Variants in ZNF804B observed in about 807,000 individuals in gnomAD.
ZNF804B encodes the protein zinc finger protein 804B.
ZNF804B carries 80 observed loss-of-function variants against 101.4 expected under a neutral mutation model. That is an observed-to-expected ratio of 0.79 (90% CI 0.66 to 0.95). The LOEUF is 0.95. Among genes scored for constraint, ZNF804B ranks in the 40% least tolerant of loss-of-function variants. ZNF804B has a pLI of 0.00. For synonymous variants in ZNF804B, 622 were observed against 558.8 expected (o/e 1.11, Z -1.59); for missense variants, 1,673 against 1,561.9 (o/e 1.07, Z -1.20).
intron 1 of ZNF804B, among the ~76,000 whole-genome samples, chr7:88,860,871 A>G (rs1409654071): frequency 2.0e-5 from 3 of 152,220 alleles, no homozygotes; most frequent in Admixed American, 6.5e-5. Context: ...AAATAGCACC[A>G]GAATATTGAT....
chr7:89,247,363 G>C (rs138992557), intron 2 of ZNF804B, among the ~76,000 whole-genome samples: 68 of 152,298 alleles, frequency 4.5e-4, no homozygotes, highest in Admixed American at 7.2e-4. Context: ...CATTAAACAA[G>C]GATCAGGTGT....
chr7:88,816,480 T>C (rs558744174), intron 1 of ZNF804B, among the ~76,000 whole-genome samples: 1 of 152,114 alleles, frequency 6.6e-6, no homozygotes, highest in African/African-American at 2.4e-5. Context: ...TGCAATCTAC[T>C]CATCTGACAA....
intron 1 of ZNF804B, among the ~76,000 whole-genome samples, chr7:89,120,693 A>G (rs988904687): frequency 6.6e-6 from 1 of 151,668 alleles, no homozygotes; most frequent in Non-Finnish European, 1.5e-5. Flanking sequence ...CCAAAAATCT[A>G]CTTTTAGTCG....
At chr7:89,009,166 G>T (rs1224473956) in intron 1 of ZNF804B, among the ~76,000 whole-genome samples, 1 of 151,996 alleles carries the variant, frequency 6.6e-6, no homozygotes, top group Non-Finnish European at 1.5e-5. Flanking sequence ...TTGACATTTT[G>T]ATTTTCACTT....
intron 2 of ZNF804B, among the ~76,000 whole-genome samples, chr7:89,247,819 T>C (rs562510992): frequency 1.3e-5 from 2 of 151,710 alleles, no homozygotes; most frequent in East Asian, 1.9e-4. Context: ...CTCAACAAGA[T>C]CCAAGACAAG....
chr7:88,953,730 A>G (rs994205378), intron 1 of ZNF804B, among the ~76,000 whole-genome samples: 1 of 151,740 alleles, frequency 6.6e-6, no homozygotes, highest in Non-Finnish European at 1.5e-5. Context: ...CTCACTCAAG[A>G]CAAAGAGGAC....
intron 2 of ZNF804B, among the ~76,000 whole-genome samples, chr7:89,279,345 C>G (rs1260847636): frequency 6.6e-6 from 1 of 151,176 alleles, no homozygotes; most frequent in African/African-American, 2.4e-5. Context: ...CCCTTTATTT[C>G]CTTCTCCTGC....
chr7:89,135,012 A>G (rs1451665786), intron 1 of ZNF804B, among the ~76,000 whole-genome samples: 1 of 152,092 alleles, frequency 6.6e-6, no homozygotes, highest in Admixed American at 6.6e-5. Flanking sequence ...TAAATTCTAC[A>G]TTAGTGTTTT....
chr7:88,770,650 T>G (rs1790048721), intron 1 of ZNF804B, among the ~76,000 whole-genome samples: 1 of 152,138 alleles, frequency 6.6e-6, no homozygotes, highest in Non-Finnish European at 1.5e-5. Flanking sequence ...AGGTGATTTC[T>G]TCTCCTGTGA....
In ZNF804B at chr7:89,003,294, T is replaced by G. The variant is rs144555925; in HGVS notation, c.109-214861T>G. On this transcript the variant is annotated intron_variant, in intron 1 of 3. Coordinates refer to ENST00000333190, the MANE Select transcript of ZNF804B (RefSeq NM_181646.5). ...AATATGGGACTAAGGCACTGCAGAT[T>G]TAGCCCAGACCCTTGACTCTGAAAA... Among the ~76,000 whole-genome samples, 908 of 152,096 alleles carry G rather than the reference T, an allele frequency of 6.0e-3. 6 individuals are homozygous for G. Among genetic ancestry groups the G allele is most frequent in the Admixed American group, 0.012 (183 of 15,214 alleles).
chr7:89,196,557 A>T (rs531968743), intron 1 of ZNF804B, among the ~76,000 whole-genome samples: 16 of 152,256 alleles, frequency 1.1e-4, no homozygotes, highest in East Asian at 7.7e-4. Flanking sequence ...CATCTGACAT[A>T]GGCAGAGGCA....
Position 88,854,476 on chromosome 7 carries a change from TCTTTC to T in ZNF804B, c.108+94436_108+94440del, listed in dbSNP as rs1554340147. 1.0e-3 allele frequency among the ~76,000 whole-genome samples: 49 copies of T among 48,724 alleles called. 3 individuals are homozygous for T. Among genetic ancestry groups the T allele is most frequent in the Admixed American group, 2.3e-3 (10 of 4,336 alleles). The allele number at this position is 48,724 out of a possible 152,430, so 32.0% of individuals were successfully genotyped here. On this transcript the variant is annotated intron_variant, in intron 1 of 3. Transcript: ENST00000333190. Reference sequence around the variant, plus strand: ...CTTTCTTTCTTTCTTTCTTTCTTTCTCTTTCCTTTCCTTTCCTTTCCTTTCCTTTC... The same window carrying T: ...CTTTCTTTCTTTCTTTCTTTCTTTCTCTTTCCTTTCCTTTCCTTTCCTTTC...
intron 1 of ZNF804B, among the ~76,000 whole-genome samples, chr7:88,775,888 T>A (rs945238613): frequency 1.3e-5 from 2 of 152,188 alleles, no homozygotes; most frequent in African/African-American, 2.4e-5. Flanking sequence ...TTTATATATG[T>A]AAGTTGCCTT....
chr7:88,776,424 A>G (rs1790139729), intron 1 of ZNF804B, among the ~76,000 whole-genome samples: 1 of 152,170 alleles, frequency 6.6e-6, no homozygotes, highest in African/African-American at 2.4e-5. Context: ...GAGCACAACT[A>G]TTGCAAATAG....
At chr7:89,171,535 A>G (rs1791237592) in intron 1 of ZNF804B, among the ~76,000 whole-genome samples, 2 of 151,970 alleles carry the variant, frequency 1.3e-5, no homozygotes, top group East Asian at 3.9e-4. Flanking sequence ...CCCGGGTTCA[A>G]GCATTTCTTC....
At chr7:89,109,581 T>C (rs1790184544) in intron 1 of ZNF804B, among the ~76,000 whole-genome samples, 2 of 152,200 alleles carry the variant, frequency 1.3e-5, no homozygotes, top group South Asian at 4.1e-4. Context: ...TCTTGGTAAC[T>C]TCTCTTTCAC....
chr7:89,195,119 G>C (rs1279273470), intron 1 of ZNF804B, among the ~76,000 whole-genome samples: 1 of 150,978 alleles, frequency 6.6e-6, no homozygotes, highest in South Asian at 2.1e-4. Flanking sequence ...TGCAGAAAAG[G>C]CCTTTGACAA....
chr7:88,949,874 G>A (rs988127873), intron 1 of ZNF804B, among the ~76,000 whole-genome samples: 1 of 151,884 alleles, frequency 6.6e-6, no homozygotes, highest in Admixed American at 6.6e-5. Context: ...TAGCCTAGGA[G>A]CGGTAGGCTA....
intron 1 of ZNF804B, among the ~76,000 whole-genome samples, chr7:89,019,493 A>G (rs577119946): frequency 6.6e-6 from 1 of 152,156 alleles, no homozygotes; most frequent in East Asian, 1.9e-4. Flanking sequence ...TATTAAGTCC[A>G]TCTGGTCTAT....
Sources: allele counts gnomAD v4.1 joint callset (sites outside exome capture counted in the v4.1 genomes callset), GRCh38; gene constraint gnomAD v4.1.1; transcripts MANE v1.5; gene names NCBI Gene and HGNC (gene_info 2026-07-23, HGNC 2026-07-21).